ERCC4: variants seen among roughly 807,000 people sequenced by gnomAD.
The protein encoded by ERCC4 is DNA repair endonuclease XPF.
Under a neutral mutation model 76.9 loss-of-function variants are expected in ERCC4, and 65 were observed. The ratio of observed to expected loss-of-function variants is 0.84; its 90% CI spans 0.69 to 1.04. The LOEUF is 1.04. ERCC4 is among the 50% of genes least tolerant of loss of function. ERCC4 has a pLI of 0.00. For missense variants in ERCC4, 1,214 were observed against 1,128.2 expected, an observed-to-expected ratio of 1.08 and a Z score of -1.09; for synonymous variants, 463 against 410.1, an observed-to-expected ratio of 1.13 and a Z score of -1.56.
At chr16:13,922,368 C>T (rs1320470376) in intron 2 of ERCC4, 157 bp downstream of exon 2, 14 of 761,878 alleles carry the variant, frequency 1.8e-5, no homozygotes, top group Non-Finnish European at 3.1e-5. Context: ...GGGCAGCACC[C>T]ACAGGTCTAA....
At chr16:13,927,557 C>CAAA (rs527349868) in intron 3 of ERCC4, 1,518 of 51,958 alleles carry the variant, frequency 0.029, 61 homozygotes, top group African/African-American at 0.085. Context: ...AACTCCATCT[C>CAAA]AAAAAAAAAA....
chr16:13,938,598 G>C (rs2032352031), intron 9 of ERCC4, among the ~76,000 whole-genome samples: 1 of 152,218 alleles, frequency 6.6e-6, no homozygotes, highest in African/African-American at 2.4e-5. Context: ...CAGGGCAAGT[G>C]CTGGATGGGG....
At position 13,932,270 on chromosome 16, in the gene ERCC4, AT is replaced by A. The variant is rs776206553; in HGVS notation, c.1089del (p.Glu365LysfsTer11). On this transcript the variant is annotated frameshift_variant, in exon 6 of 11. Transcript: ENST00000311895. LOFTEE classifies it high-confidence loss of function. ...AGAAAAAATATCTGAAAAAATGGAA[AT>A]TAAAGAAGGGGAAGGTATCTTGTGG... ...KKEKISEKME[I>X]KEGEETKKEL... 1 of 1,610,858 alleles carries A rather than the reference AT, an allele frequency of 6.2e-7. No individual in the cohort carries two copies. The highest frequency in any genetic ancestry group is 1.7e-5 in the Admixed American group (1 of 59,966).
At chr16:13,928,331 G>A (rs988493104) in intron 4 of ERCC4, 96 bp downstream of exon 4, 4 of 885,870 alleles carry the variant, frequency 4.5e-6, no homozygotes, top group Admixed American at 4.3e-5. Context: ...GGAATTTGCT[G>A]TTATTTAAGA....
rs551102754 is a variant in ERCC4 at position 13,924,674 on chromosome 16, A to G, written c.389-1887A>G. ...AATTTCTCTATGCCTCAGCTTACTC[A>G]CCCGTACATTGGTGATAAAGATAGT... On this transcript the variant is annotated intron_variant, in intron 2 of 10. Transcript: ENST00000311895. Among the ~76,000 whole-genome samples the G allele has an allele frequency of 5.9e-5, 9 of 152,222 alleles. No homozygotes were observed. The East Asian group carries it at 1.7e-3, about 29-fold the overall frequency.
intron 9 of ERCC4, among the ~76,000 whole-genome samples, chr16:13,941,611 G>T (rs1216920929): frequency 6.6e-6 from 1 of 152,134 alleles, no homozygotes; most frequent in Non-Finnish European, 1.5e-5. Context: ...CTGGATTAAA[G>T]ATCTGTAGAT....
chr16:13,935,700 C>A lies in ERCC4; in HGVS notation c.1768C>A (p.Gln590Lys), dbSNP rs763006163. 9.9e-6 allele frequency: 16 copies of A among 1,613,974 alleles called. No homozygotes were observed. The highest frequency in any genetic ancestry group is 1.4e-5 in the Non-Finnish European group (16 of 1,180,018). The change falls in exon 8 of 11, where the codon CAG becomes AAG. Residue 590 changes from glutamine (Q) to lysine (K), a missense_variant. By Grantham distance (53) the Gln-to-Lys change is moderately conservative (BLOSUM62 1). Transcript: ENST00000311895. ...TGACGCAGAGCTAACCTTTGTTCGG[C>A]AGCTTGAAATTTACAGGGCGAGTAG... Reference protein sequence around the residue: ...LYDAELTFVRQLEIYRASRPG... With the variant: ...LYDAELTFVRKLEIYRASRPG...
At chr16:13,942,070 A>T (rs1003265337) in intron 9 of ERCC4, among the ~76,000 whole-genome samples, 117 of 150,792 alleles carry the variant, frequency 7.8e-4, no homozygotes, top group African/African-American at 2.5e-3. Context: ...TAAAAATTAA[A>T]ATAAAATAAA....
rs780224931 is a variant in ERCC4 at position 13,944,703 on chromosome 16, G to C, written c.1905-20G>C. On this transcript the variant is annotated intron_variant, in intron 9 of 10. Transcript: ENST00000311895. Reference sequence around the variant, plus strand: ...TTTTGAAATTTGTTTCAGAAGTGTTGACAATGTTTTCTCCCACAGGGAAAA... The same window carrying C: ...TTTTGAAATTTGTTTCAGAAGTGTTCACAATGTTTTCTCCCACAGGGAAAA... The C allele has an allele frequency of 6.6e-7, 1 of 1,522,840 alleles. No individual in the cohort carries two copies. Among genetic ancestry groups the C allele is most frequent in the Non-Finnish European group, 9.1e-7 (1 of 1,096,674 alleles). The allele number at this position is 1,522,840 out of a possible 1,614,324, so 94.3% of individuals were successfully genotyped here.
At chr16:13,934,848 C>A in intron 7 of ERCC4, 1 of 308,552 alleles carries the variant, frequency 3.2e-6, no homozygotes, top group Non-Finnish European at 6.1e-6. Context: ...ATATGAGATC[C>A]TCTGGAAAAA....
At chr16:13,934,057 T>A (rs1368727393) in intron 6 of ERCC4, 135 bp from the exon 7 acceptor site, 1 of 608,984 alleles carries the variant, frequency 1.6e-6, no homozygotes, top group Non-Finnish European at 2.9e-6. Context: ...GCAGATTCCA[T>A]CTAACATTAT....
At chr16:13,931,937 T>C (rs2141949547) in intron 5 of ERCC4, 1 of 558,060 alleles carries the variant, frequency 1.8e-6, no homozygotes, top group East Asian at 2.9e-5. Context: ...TGACATCACA[T>C]AGCCCTGAAA....
Position 13,920,234 on chromosome 16 carries a change from G to A in ERCC4, c.69G>A (p.Val23=), listed in dbSNP as rs201606798. The A allele has an allele frequency of 4.4e-6, 7 of 1,607,840 alleles. No homozygotes were observed. In the East Asian group the frequency reaches 1.6e-4, roughly 36 times the overall value. ...TGCTGGAGTACGAGCGACAGCTGGT[G>A]CTGGAACTGCTCGACACTGACGGGC... ...APLLEYERQL[V]LELLDTDGLV... Residue 23 remains valine (V), a synonymous_variant, in exon 1 of 11, where the codon GTG becomes GTA. Transcript: ENST00000311895.
chr16:13,930,903 A>G lies in ERCC4; in HGVS notation c.973+13A>G. 1 of 1,557,298 alleles carries G rather than the reference A, an allele frequency of 6.4e-7. No homozygotes were observed. Among genetic ancestry groups the G allele is most frequent in the Non-Finnish European group, 8.9e-7 (1 of 1,128,654 alleles). Reference sequence around the variant, plus strand: ...GGTCAGAATTCAGGTGGGAGATTAAAATACTAATAATATTCTAAGAGCTGA... The same window carrying G: ...GGTCAGAATTCAGGTGGGAGATTAAGATACTAATAATATTCTAAGAGCTGA... On this transcript the variant is annotated intron_variant, in intron 5 of 10. Transcript: ENST00000311895.
intron 7 of ERCC4, chr16:13,934,594 A>G (rs779495742): frequency 4.9e-5 from 19 of 383,936 alleles, no homozygotes; most frequent in Non-Finnish European, 7.7e-5. Context: ...TAGAACTTCT[A>G]TTTAAAGATT....
chr16:13,946,706 C>G (rs966785084), intron 10 of ERCC4, among the ~76,000 whole-genome samples: 2 of 152,078 alleles, frequency 1.3e-5, no homozygotes, highest in African/African-American at 4.8e-5. Flanking sequence ...ATTCTTAGAC[C>G]CCTTAGATCT....
intron 9 of ERCC4, 45 bp from the exon 10 acceptor site, chr16:13,944,678 T>A (rs777393288): frequency 7.8e-7 from 1 of 1,277,772 alleles, no homozygotes; most frequent in Non-Finnish European, 1.1e-6. Flanking sequence ...AAATCTAGAA[T>A]TTTGAAATTT....
rs2032594371 is a variant in ERCC4 at position 13,949,681 on chromosome 16, G to T, written c.*1334G>T. ...AAAATCTCATTCTAAACCTGATTAA[G>T]TTGGCTTTTTACGTAAGTGTACAAA... On this transcript the variant is annotated 3_prime_UTR_variant, in exon 11 of 11. Coordinates refer to ENST00000311895, the MANE Select transcript of ERCC4 (RefSeq NM_005236.3). 2 of 232,594 alleles carry T rather than the reference G, an allele frequency of 8.6e-6. No homozygotes were observed. Among genetic ancestry groups the T allele is most frequent in the African/African-American group, 2.2e-5 (1 of 45,314 alleles). The allele number at this position is 232,594 out of a possible 1,614,324, so 14.4% of individuals were successfully genotyped here.
At position 13,922,129 on chromosome 16, in the gene ERCC4, A is replaced by T. The variant is rs764943215; in HGVS notation, c.306A>T (p.Thr102=). The T allele has an allele frequency of 6.2e-7, 1 of 1,613,616 alleles. No homozygotes were observed. Among genetic ancestry groups the T allele is most frequent in the Admixed American group, 1.7e-5 (1 of 60,034 alleles). The stretch of plus-strand genomic sequence containing the variant: ...GCAACAGTCGCTATGAAGTTTACAC[A>T]CAAGGTGGTGTTATATTTGCGACAA... ...ITSNSRYEVY[T]QGGVIFATSR... Residue 102 remains threonine (T), a synonymous_variant, in exon 2 of 11, where the codon ACA becomes ACT. Transcript: ENST00000311895.
Sources: allele counts gnomAD v4.1 joint callset (sites outside exome capture counted in the v4.1 genomes callset), GRCh38; gene constraint gnomAD v4.1.1; transcripts MANE v1.5; gene names NCBI Gene and HGNC (gene_info 2026-07-23, HGNC 2026-07-21).